FOLH1: variants seen among roughly 807,000 people sequenced by gnomAD.
FOLH1 encodes the protein folate hydrolase 1, also known as glutamate carboxypeptidase 2.
Under a neutral mutation model 93.9 loss-of-function variants are expected in FOLH1, and 54 were observed. The ratio of observed to expected loss-of-function variants is 0.57; its 90% CI spans 0.46 to 0.72. The LOEUF (loss-of-function observed/expected upper bound fraction) is 0.72. Ranked by LOEUF, FOLH1 falls within the 30% of genes least tolerant of loss-of-function variation. The pLI is 0.00. For synonymous variants in FOLH1, 249 were observed against 303.6 expected (o/e 0.82, Z 1.87); for missense variants, 571 against 892.5 (o/e 0.64, Z 4.59).
At chr11:49,163,629 C>T (rs1274125821) in intron 13 of FOLH1, among the ~76,000 whole-genome samples, 2 of 151,864 alleles carry the variant, frequency 1.3e-5, no homozygotes, top group Non-Finnish European at 2.9e-5. Context: ...CAGACCATCA[C>T]TGCTCAGGCC....
At chr11:49,176,773 G>A (rs1860092531) in intron 7 of FOLH1, among the ~76,000 whole-genome samples, 1 of 150,740 alleles carries the variant, frequency 6.6e-6, no homozygotes, top group Non-Finnish European at 1.5e-5. Context: ...AAATCCAGCT[G>A]TAAGGCAAAA....
intron 17 of FOLH1, among the ~76,000 whole-genome samples, chr11:49,151,648 C>A (rs187497818): frequency 4.6e-5 from 7 of 152,228 alleles, no homozygotes; most frequent in Non-Finnish European, 1.0e-4. Context: ...TTGTAAGTAT[C>A]ATATAGGGAA....
rs1855779438 is a variant in FOLH1 at position 49,146,352 on chromosome 11, A to T, written c.*404T>A. On this transcript the variant is annotated 3_prime_UTR_variant, in exon 19 of 19. Transcript: ENST00000256999. Reference sequence around the variant, plus strand: ...TCCTCTCAGCCCAGGCTGGCCAGGTAGGCCGTGAGGCCTCTGGCTTGGGAT... The same window carrying T: ...TCCTCTCAGCCCAGGCTGGCCAGGTTGGCCGTGAGGCCTCTGGCTTGGGAT... Among the ~76,000 whole-genome samples the T allele has an allele frequency of 6.6e-6, 1 of 152,242 alleles. No homozygotes were observed. Among genetic ancestry groups the T allele is most frequent in the African/African-American group, 2.4e-5 (1 of 41,482 alleles).
At chr11:49,191,264 G>A (rs761343727) in intron 4 of FOLH1, among the ~76,000 whole-genome samples, 2 of 152,094 alleles carry the variant, frequency 1.3e-5, no homozygotes, top group African/African-American at 2.4e-5. Flanking sequence ...CGCCCCCCTC[G>A]GCCTCCTAGA....
intron 11 of FOLH1, among the ~76,000 whole-genome samples, chr11:49,169,560 G>A (rs1002961642): frequency 1.3e-5 from 2 of 152,144 alleles, no homozygotes; most frequent in African/African-American, 4.8e-5. Flanking sequence ...CTTTCAAAAA[G>A]TTGTCTTAGC....
chr11:49,192,571 G>A (rs1045683211), intron 4 of FOLH1, among the ~76,000 whole-genome samples: 1 of 152,130 alleles, frequency 6.6e-6, no homozygotes, highest in Non-Finnish European at 1.5e-5. Context: ...GTGCATTTGG[G>A]ATTTGTGCAT....
In FOLH1 at chr11:49,189,455, C is replaced by T. The variant is rs189138482; in HGVS notation, c.514-2686G>A. Among the ~76,000 whole-genome samples the T allele has an allele frequency of 1.5e-4, 23 of 152,268 alleles. No individual in the cohort carries two copies. In the East Asian group the frequency reaches 4.4e-3, roughly 29 times the overall value. On this transcript the variant is annotated intron_variant, in intron 4 of 18. Coordinates refer to ENST00000256999, the MANE Select transcript of FOLH1 (RefSeq NM_004476.3). ...TGGTGAAGATCTATTATGTGTTAGG[C>T]AGTGCCCTATGTAATACAACAAATC...
At chr11:49,153,539 C>A (rs905021833) in intron 17 of FOLH1, among the ~76,000 whole-genome samples, 1 of 152,136 alleles carries the variant, frequency 6.6e-6, no homozygotes, top group Non-Finnish European at 1.5e-5. Flanking sequence ...GAGGGAGGGA[C>A]TGACATTTCT....
Position 49,173,577 on chromosome 11 carries a change from G to GA in FOLH1, c.1106-102dup, listed in dbSNP as rs71049334. ...CTAAATACAAAGCACTCACGCCTCA[G>GA]AAAAAAAAAAAAGGCTAGGTTCCCC... On this transcript the variant is annotated intron_variant, in intron 9 of 18. Transcript: ENST00000256999. The GA allele has an allele frequency of 4.0e-3, 2,573 of 649,104 alleles. 1 individual carries two copies. The highest frequency in any genetic ancestry group is 4.3e-3 in the Non-Finnish European group (2,201 of 515,260). The allele number at this position is 649,104 out of a possible 1,614,324, so 40.2% of individuals were successfully genotyped here.
intron 10 of FOLH1, 112 bp downstream of exon 10, chr11:49,173,245 A>G: frequency 8.6e-7 from 1 of 1,163,096 alleles, no homozygotes; most frequent in Non-Finnish European, 1.1e-6. Flanking sequence ...TTGTATTAGT[A>G]TTTTTACCAA....
chr11:49,176,180 T>C (rs1860012568), intron 7 of FOLH1, among the ~76,000 whole-genome samples: 1 of 152,158 alleles, frequency 6.6e-6, no homozygotes, highest in African/African-American at 2.4e-5. Flanking sequence ...CCCAAAGTCA[T>C]GCAACTAGTA....
At chr11:49,171,497 T>G (rs1316379606) in intron 10 of FOLH1, among the ~76,000 whole-genome samples, 1 of 152,084 alleles carries the variant, frequency 6.6e-6, no homozygotes, top group African/African-American at 2.4e-5. Context: ...CATGTGACAG[T>G]AAAAATCTTG....
At chr11:49,169,313 C>A (rs977842773) in intron 11 of FOLH1, 55 bp from the exon 12 acceptor site, 13 of 1,488,872 alleles carry the variant, frequency 8.7e-6, no homozygotes, top group East Asian at 4.7e-5. Context: ...CCCCCTCCCC[C>A]ACAAAATGCA....
At chr11:49,165,881 CAG>C (rs1235871496) in intron 12 of FOLH1, among the ~76,000 whole-genome samples, 7 of 152,148 alleles carry the variant, frequency 4.6e-5, no homozygotes, top group Non-Finnish European at 8.8e-5. Flanking sequence ...ATTTTTAAAA[CAG>C]AAGTGCTTAT....
chr11:49,188,397 C>T (rs1348468935), intron 4 of FOLH1, among the ~76,000 whole-genome samples: 11 of 151,490 alleles, frequency 7.3e-5, no homozygotes, highest in Admixed American at 7.2e-4. Flanking sequence ...GCCTGTAATC[C>T]CAGCTACTCG....
At chr11:49,208,238 A>C in intron 1 of FOLH1, 54 bp downstream of exon 1, 1 of 1,294,328 alleles carries the variant, frequency 7.7e-7, no homozygotes, top group Non-Finnish European at 1.1e-6. Flanking sequence ...GAGTCCCAGC[A>C]CCGCGGCACC....
intron 3 of FOLH1, among the ~76,000 whole-genome samples, chr11:49,198,765 T>C (rs569824981): frequency 6.6e-6 from 1 of 151,586 alleles, no homozygotes; most frequent in Non-Finnish European, 1.5e-5. Flanking sequence ...AGGGTTTTTT[T>C]AGTTTGTTTT....
At chr11:49,164,347 G>A (rs1455641786) in intron 13 of FOLH1, among the ~76,000 whole-genome samples, 1 of 152,196 alleles carries the variant, frequency 6.6e-6, no homozygotes, top group African/African-American at 2.4e-5. Context: ...ATACTGAAGA[G>A]TATAAACAAG....
chr11:49,179,994 G>T (rs556686390), intron 7 of FOLH1, among the ~76,000 whole-genome samples: 4 of 152,140 alleles, frequency 2.6e-5, no homozygotes, highest in Non-Finnish European at 4.4e-5. Flanking sequence ...GCCATTAAAG[G>T]TCTCCCGAGC....
Sources: allele counts gnomAD v4.1 joint callset (sites outside exome capture counted in the v4.1 genomes callset), GRCh38; gene constraint gnomAD v4.1.1; transcripts MANE v1.5; gene names NCBI Gene and HGNC (gene_info 2026-07-23, HGNC 2026-07-21).